FGF17: variants seen among roughly 807,000 people sequenced by gnomAD.
The protein encoded by FGF17 is fibroblast growth factor 17.
FGF17 carries 5 observed loss-of-function variants against 23.5 expected under a neutral mutation model. The ratio of observed to expected loss-of-function variants is 0.21; its 90% CI spans 0.11 to 0.45. The LOEUF is 0.45. FGF17 is among the 20% of genes least tolerant of loss of function. The probability of loss-of-function intolerance (pLI) is 0.99; values close to 1 mark genes in which losing one functional copy is unlikely to be tolerated. For synonymous variants in FGF17, 136 were observed against 123.0 expected, an observed-to-expected ratio of 1.11 and a Z score of -0.70; for missense variants, 221 against 306.9, an observed-to-expected ratio of 0.72 and a Z score of 2.09.
At chr8:22,045,852 G>C in intron 2 of FGF17, 1 of 1,379,556 alleles carries the variant, frequency 7.2e-7, no homozygotes, top group Non-Finnish European at 9.4e-7. Context: ...CCAGAGTCCT[G>C]ATTCCAGGGC....
Position 22,046,130 on chromosome 8 carries a change from C to G in FGF17, c.89C>G (p.Ser30Cys). 6.2e-7 allele frequency: 1 copy of G among 1,614,176 alleles called. No individual in the cohort carries two copies. The highest frequency in any genetic ancestry group is 2.2e-5 in the East Asian group (1 of 44,890). Residue 30 changes from serine to cysteine, a missense_variant, in exon 3 of 5, where the codon TCT becomes TGT. Ser to Cys is a moderately radical substitution (Grantham distance 112). This residue lies in a region of FGF17 where 35 missense variants were observed against 35.5 expected (regional missense o/e 0.99). Coordinates refer to ENST00000359441, the MANE Select transcript of FGF17 (RefSeq NM_003867.4). The part of the protein sequence containing the change: ...CCQTQGENHP[S>C]PNFNQYVRDQ... ...ACCGCAAAGGGGGAGAATCACCCGT[C>G]TCCTAATTTTAACCAGTACGTGAGG...
chr8:22,046,775 G>A (rs866211608), intron 4 of FGF17, 142 bp downstream of exon 4: 1 of 636,750 alleles, frequency 1.6e-6, no homozygotes, highest in Non-Finnish European at 2.7e-6. Flanking sequence ...CCACCCACTG[G>A]GCCACTCTCT....
rs1262792693 is a variant in FGF17, at chr8:22,048,076, C to T, written c.478C>T (p.Arg160Cys). 2 of 1,612,798 alleles carry T rather than the reference C, an allele frequency of 1.2e-6. No individual in the cohort carries two copies. Among genetic ancestry groups the T allele is most frequent in the Non-Finnish European group, 8.5e-7 (1 of 1,179,758 alleles). Residue 160 changes from arginine to cysteine, a missense_variant, in exon 5 of 5, where the codon CGC becomes TGC. Physicochemically the swap from Arg to Cys is radical, Grantham distance 180 (BLOSUM62 -3). Transcript: ENST00000359441. The surrounding 1 kb of genome is among the most constrained non-coding windows in gnomAD (Gnocchi z 6.9). ...GGCCTTCACGCGGCAGGGGCGGCCC[C>T]GCCAGGCTTCCCGCAGCCGCCAGAA... ...FMAFTRQGRP[R>C]QASRSRQNQR... is the part of the protein sequence containing the mutation.
chr8:22,042,892 G>C lies in FGF17; in HGVS notation c.-37G>C, dbSNP rs201360475. ...TTCCCACATCTGCTCCTGAGCTTGG[G>C]GGCAGGGGGGCAACCGCCTGAGGAA... On this transcript the variant is annotated 5_prime_UTR_variant, in exon 1 of 5. Coordinates refer to ENST00000359441, the MANE Select transcript of FGF17 (RefSeq NM_003867.4). 98 of 1,612,190 alleles carry C rather than the reference G, an allele frequency of 6.1e-5. No individual in the cohort carries two copies. Among genetic ancestry groups the C allele is most frequent in the Middle Eastern group, 1.7e-4 (1 of 6,060 alleles).
At chr8:22,040,189 C>T (rs1195209036), upstream of FGF17, among the ~76,000 whole-genome samples, 3 of 152,232 alleles carry the variant, frequency 2.0e-5, no homozygotes, top group Non-Finnish European at 4.4e-5. Flanking sequence ...GCACTTGATG[C>T]GTTTCTGTGA....
chr8:22,046,135 A>C lies in FGF17; in HGVS notation c.94A>C (p.Asn32His). 2 of 1,614,148 alleles carry C rather than the reference A, an allele frequency of 1.2e-6. No homozygotes were observed. The highest frequency in any genetic ancestry group is 2.2e-5 in the East Asian group (1 of 44,888). Residue 32 changes from asparagine to histidine, a missense_variant, in exon 3 of 5, where the codon AAT (asparagine) becomes CAT (histidine). By Grantham distance (68) the Asn-to-His change is moderately conservative. This residue lies in a region of FGF17 where 58 missense variants were observed against 121.0 expected (regional missense o/e 0.48). Transcript: ENST00000359441. ...QTQGENHPSP[N>H]FNQYVRDQGA... ...AAAGGGGGAGAATCACCCGTCTCCT[A>C]ATTTTAACCAGTACGTGAGGGACCA...
rs780005002 is a variant in FGF17 at position 22,046,108 on chromosome 8, G to A, written c.73-6G>A. The A allele has an allele frequency of 1.2e-5, 20 of 1,614,090 alleles. No individual in the cohort carries two copies. The highest frequency in any genetic ancestry group is 1.6e-4 in the Middle Eastern group (1 of 6,062). On this transcript the variant is annotated splice_polypyrimidine_tract_variant and splice_region_variant and intron_variant, in intron 2 of 4. Coordinates refer to ENST00000359441, the MANE Select transcript of FGF17 (RefSeq NM_003867.4). ...TGACACTATTTTTCCCTTGGTAACC[G>A]CAAAGGGGGAGAATCACCCGTCTCC...
At chr8:22,043,006 C>G (rs376613610) in intron 1 of FGF17, 43 bp downstream of exon 1, 7 of 1,609,164 alleles carry the variant, frequency 4.4e-6, no homozygotes, top group Non-Finnish European at 5.9e-6. Flanking sequence ...TTGCCATTTC[C>G]AGCCTCAGGG....
intron 3 of FGF17, 31 bp from the exon 4 acceptor site, chr8:22,046,496 A>T: frequency 6.4e-7 from 1 of 1,565,556 alleles, no homozygotes; most frequent in Non-Finnish European, 8.8e-7. Context: ...GCCCCGATGG[A>T]CGGAGGTCTT....
intron 4 of FGF17, 136 bp downstream of exon 4, chr8:22,046,769 C>A: frequency 3.1e-6 from 2 of 641,094 alleles, no homozygotes; most frequent in Middle Eastern, 3.8e-4. Context: ...CTCAGCCCAC[C>A]CACTGGGCCA....
intron 2 of FGF17, chr8:22,045,136 G>A: frequency 1.0e-6 from 1 of 985,508 alleles, no homozygotes; most frequent in Non-Finnish European, 1.2e-6. Context: ...CCTTACAGAT[G>A]GGTAACGAGA....
intron 4 of FGF17, among the ~76,000 whole-genome samples, chr8:22,047,675 G>A (rs1800954956): frequency 6.6e-6 from 1 of 152,248 alleles, no homozygotes; most frequent in South Asian, 2.1e-4. Context: ...GCTGGGAAAT[G>A]CCGCAGGTCC....
intron 1 of FGF17, 73 bp downstream of exon 1, chr8:22,043,036 A>C: frequency 6.3e-7 from 1 of 1,598,600 alleles, no homozygotes; most frequent in Non-Finnish European, 8.5e-7. Flanking sequence ...TCTTCCCGGG[A>C]CTCCCACGCG....
chr8:22,045,125 G>C (rs1800836468), intron 2 of FGF17: 2 of 985,428 alleles, frequency 2.0e-6, no homozygotes, highest in African/African-American at 1.7e-5. Context: ...CTCCCACTCA[G>C]CCTTACAGAT....
chr8:22,043,881 G>A (rs1800792180), intron 2 of FGF17, among the ~76,000 whole-genome samples: 2 of 152,136 alleles, frequency 1.3e-5, no homozygotes, highest in African/African-American at 4.8e-5. Context: ...ACCGCTCTGG[G>A]GAGAGATCGC....
At chr8:22,044,265 C>T (rs757704426) in intron 2 of FGF17, among the ~76,000 whole-genome samples, 1 of 152,004 alleles carries the variant, frequency 6.6e-6, no homozygotes, top group Non-Finnish European at 1.5e-5. Flanking sequence ...CTTGAAGTGC[C>T]CCCTCACCCC....
chr8:22,045,394 C>G, intron 2 of FGF17: 2 of 989,512 alleles, frequency 2.0e-6, no homozygotes, highest in Non-Finnish European at 2.4e-6. Flanking sequence ...TGCCTGCTGT[C>G]CCATAGTGCC....
rs1323549060 is a variant in FGF17, at chr8:22,048,071, G to A, written c.473G>A (p.Arg158Gln). 6.8e-6 allele frequency: 11 copies of A among 1,612,618 alleles called. No individual in the cohort carries two copies. Among genetic ancestry groups the A allele is most frequent in the Admixed American group, 1.7e-5 (1 of 59,964 alleles). Residue 158 changes from arginine (R) to glutamine (Q), a missense_variant, in exon 5 of 5, where the codon CGG becomes CAG. This residue lies in a region of FGF17 where 128 missense variants were observed against 150.4 expected (regional missense o/e 0.85). Transcript: ENST00000359441. The surrounding 1 kb of genome is among the most constrained non-coding windows in gnomAD (Gnocchi z 6.9). ...GWFMAFTRQG[R>Q]PRQASRSRQN... is the part of the protein sequence containing the mutation. ...TTCATGGCCTTCACGCGGCAGGGGC[G>A]GCCCCGCCAGGCTTCCCGCAGCCGC... is the stretch of plus-strand genomic sequence containing the variant.
intron 2 of FGF17, 189 bp from the exon 3 acceptor site, chr8:22,045,925 G>T (rs1048439965): frequency 1.3e-6 from 2 of 1,494,930 alleles, no homozygotes; most frequent in Admixed American, 2.1e-5. Flanking sequence ...TAAGGTAGAC[G>T]CAAAGCAAAG....
Sources: gnomAD v4.1 joint callset for allele counts (sites outside exome capture counted in the v4.1 genomes callset) on GRCh38, gnomAD v4.1.1 for gene constraint, gnomAD v4.1.1 regional missense constraint, Gnocchi (gnomAD v3.1) non-coding constraint, MANE v1.5 for transcripts, NCBI Gene and HGNC (gene_info 2026-07-23, HGNC 2026-07-21) for gene names.